RCAN2: variants seen among roughly 807,000 people sequenced by gnomAD.
RCAN2 encodes regulator of calcineurin 2.
RCAN2 carries 9 observed loss-of-function variants against 23.6 expected under a neutral mutation model. That is an observed-to-expected ratio of 0.38 (90% CI 0.23 to 0.67). The LOEUF (loss-of-function observed/expected upper bound fraction) is 0.67, where lower values mean the gene tolerates loss of function less well. RCAN2 is among the 30% of genes least tolerant of loss of function. The probability of loss-of-function intolerance (pLI) is 0.51; values close to 1 mark genes in which losing one functional copy is unlikely to be tolerated. For synonymous variants in RCAN2, 109 were observed against 115.7 expected (o/e 0.94, Z 0.37); for missense variants, 273 against 302.3 (o/e 0.90, Z 0.72).
intron 2 of RCAN2, among the ~76,000 whole-genome samples, chr6:46,309,106 G>A (rs892486854): frequency 6.6e-6 from 1 of 152,152 alleles, no homozygotes; most frequent in Non-Finnish European, 1.5e-5. Flanking sequence ...TGCTGTTCAG[G>A]AGAAGTTTGC....
intron 2 of RCAN2, among the ~76,000 whole-genome samples, chr6:46,395,988 T>C (rs918415135): frequency 6.6e-6 from 1 of 152,192 alleles, no homozygotes; most frequent in African/African-American, 2.4e-5. Context: ...GTCACACATT[T>C]CCTAGAACAT....
At position 46,241,702 on chromosome 6, in the gene RCAN2, C is replaced by T. The variant is rs572002721; in HGVS notation, c.571+5046G>A. On this transcript the variant is annotated intron_variant, in intron 4 of 4. Transcript: ENST00000371374. ...TCAACCAATCTTTTACTCTTCTTGC[C>T]AGTGGCAGAGGACATATTTTAATTT... Among the ~76,000 whole-genome samples, 22 of 152,268 alleles carry T rather than the reference C, an allele frequency of 1.4e-4. No individual in the cohort carries two copies. In the South Asian group the frequency reaches 4.4e-3, roughly 30 times the overall value.
chr6:46,316,824 G>A (rs1267923730), intron 2 of RCAN2, among the ~76,000 whole-genome samples: 8 of 152,188 alleles, frequency 5.3e-5, no homozygotes, highest in Non-Finnish European at 8.8e-5. Flanking sequence ...GCACAGTAAA[G>A]TCATAGAAGA....
chr6:46,308,760 G>T (rs1165825764), intron 2 of RCAN2, among the ~76,000 whole-genome samples: 1 of 152,120 alleles, frequency 6.6e-6, no homozygotes, highest in Non-Finnish European at 1.5e-5. Context: ...GAGCAGACTT[G>T]CTCTGTTGGC....
intron 2 of RCAN2, among the ~76,000 whole-genome samples, chr6:46,335,935 C>T (rs1764126054): frequency 6.6e-6 from 1 of 152,200 alleles, no homozygotes; most frequent in South Asian, 2.1e-4. Flanking sequence ...TTAAACTTCA[C>T]CATAGGCCCC....
chr6:46,345,845 T>C (rs1764467301), intron 2 of RCAN2, among the ~76,000 whole-genome samples: 1 of 152,222 alleles, frequency 6.6e-6, no homozygotes, highest in Non-Finnish European at 1.5e-5. Context: ...TTTCACTATT[T>C]TTTGTTCTGG....
rs575874262 is a variant in RCAN2 at position 46,221,829 on chromosome 6, T to C, written c.*1312A>G. The C allele has an allele frequency of 7.5e-6, 3 of 397,900 alleles. No homozygotes were observed. Among genetic ancestry groups the C allele is most frequent in the South Asian group, 1.3e-4 (1 of 7,680 alleles). 24.6% of individuals were successfully genotyped at this position (397,900 alleles called of 1,614,324 possible). On this transcript the variant is annotated 3_prime_UTR_variant, in exon 5 of 5. Coordinates refer to ENST00000371374, the MANE Select transcript of RCAN2 (RefSeq NM_001251974.2). ...AGGAGTAGATGAGGCCTGGCACACA[T>C]AGCAGAAGGTAATGGTTCTATAGGT...
intron 2 of RCAN2, among the ~76,000 whole-genome samples, chr6:46,319,950 A>G (rs1763557394): frequency 6.6e-6 from 1 of 152,172 alleles, no homozygotes; most frequent in African/African-American, 2.4e-5. Flanking sequence ...ATGACAAAAT[A>G]TTATTTTTAA....
intron 2 of RCAN2, among the ~76,000 whole-genome samples, chr6:46,297,090 G>A (rs774511431): frequency 7.9e-5 from 12 of 152,004 alleles, no homozygotes; most frequent in African/African-American, 1.2e-4. Context: ...TAAAGGCTCC[G>A]TACTACTTAT....
chr6:46,256,997 G>A (rs2799366), intron 2 of RCAN2, among the ~76,000 whole-genome samples: 2,026 of 152,224 alleles, frequency 0.013, 45 homozygotes, highest in African/African-American at 0.047. Flanking sequence ...TAAAAACCAG[G>A]CAGAAGGATC....
intron 1 of RCAN2, among the ~76,000 whole-genome samples, chr6:46,467,162 G>A (rs1436219060): frequency 6.6e-6 from 1 of 152,190 alleles, no homozygotes; most frequent in East Asian, 1.9e-4. Context: ...CGCAGGAGCT[G>A]TGTCTTACCT....
intron 4 of RCAN2, among the ~76,000 whole-genome samples, chr6:46,228,865 C>T (rs769050090): frequency 2.6e-5 from 4 of 152,144 alleles, no homozygotes; most frequent in Non-Finnish European, 4.4e-5. Flanking sequence ...TTCCTAGCAT[C>T]GATGGTCTTT....
chr6:46,298,781 C>T (rs962871820), intron 2 of RCAN2, among the ~76,000 whole-genome samples: 1 of 152,110 alleles, frequency 6.6e-6, no homozygotes, highest in African/African-American at 2.4e-5. Flanking sequence ...GAAAATAAGT[C>T]ATTCTACCAA....
intron 2 of RCAN2, among the ~76,000 whole-genome samples, chr6:46,341,613 A>G (rs1354724814): frequency 2.0e-5 from 3 of 152,076 alleles, no homozygotes; most frequent in Non-Finnish European, 4.4e-5. Flanking sequence ...CCTGGCCAAC[A>G]TGGTGAGACC....
intron 4 of RCAN2, among the ~76,000 whole-genome samples, chr6:46,243,229 C>T (rs1020175175): frequency 2.0e-5 from 3 of 152,068 alleles, no homozygotes; most frequent in Non-Finnish European, 2.9e-5. Context: ...AATTGTTGGA[C>T]GCAAATCATG....
chr6:46,261,748 T>A (rs1256210438), intron 2 of RCAN2, among the ~76,000 whole-genome samples: 2 of 152,218 alleles, frequency 1.3e-5, no homozygotes, highest in East Asian at 3.8e-4. Context: ...ATTTTATTGA[T>A]GTTATTATCT....
At chr6:46,273,911 T>A (rs1388978969) in intron 2 of RCAN2, among the ~76,000 whole-genome samples, 2 of 152,070 alleles carry the variant, frequency 1.3e-5, no homozygotes, top group African/African-American at 4.8e-5. Context: ...ACAAGCCTAA[T>A]CCTTGCATTT....
In RCAN2 at chr6:46,233,035, G is replaced by A. The variant is rs7769702; in HGVS notation, c.572-9734C>T. Among the ~76,000 whole-genome samples, 517 of 152,154 alleles carry A rather than the reference G, an allele frequency of 3.4e-3. 8 individuals are homozygous for A. Among genetic ancestry groups the A allele is most frequent in the African/African-American group, 0.012 (506 of 41,506 alleles). On this transcript the variant is annotated intron_variant, in intron 4 of 4. Coordinates refer to ENST00000371374, the MANE Select transcript of RCAN2 (RefSeq NM_001251974.2). ...ATTTTTTTGCTGGAAAATGGTAAAT[G>A]GTAACAGTGCAGGTAGAGGATAATG...
At chr6:46,415,125 C>A (rs1396588664) in intron 2 of RCAN2, among the ~76,000 whole-genome samples, 1 of 152,116 alleles carries the variant, frequency 6.6e-6, no homozygotes, top group Non-Finnish European at 1.5e-5. Flanking sequence ...AATGATATAA[C>A]CATGGCTACC....
Sources: allele counts gnomAD v4.1 joint callset (sites outside exome capture counted in the v4.1 genomes callset), GRCh38; gene constraint gnomAD v4.1.1; transcripts MANE v1.5; gene names NCBI Gene and HGNC (gene_info 2026-07-23, HGNC 2026-07-21).